WDR91: variants seen among roughly 807,000 people sequenced by gnomAD.
The protein encoded by WDR91 is WD repeat-containing protein 91.
A neutral mutation model predicts 88.4 loss-of-function variants in WDR91; 52 were observed. The ratio of observed to expected loss-of-function variants is 0.59; its 90% CI spans 0.47 to 0.74. The LOEUF (loss-of-function observed/expected upper bound fraction) is 0.74. Ranked by LOEUF, WDR91 falls within the 30% of genes least tolerant of loss-of-function variation. The pLI, the probability that WDR91 is intolerant of heterozygous loss-of-function variation, is 0.00. For missense variants in WDR91, 824 were observed against 954.5 expected (o/e 0.86, Z 1.80); for synonymous variants, 362 against 389.5 (o/e 0.93, Z 0.83).
rs762708381 is a variant in WDR91, at chr7:135,208,938, G to T, written c.364C>A (p.Gln122Lys). 1.2e-6 allele frequency: 2 copies of T among 1,614,194 alleles called. No individual in the cohort carries two copies. The highest frequency in any genetic ancestry group is 4.5e-5 in the East Asian group (2 of 44,890). Residue 122 changes from glutamine (Q) to lysine (K), a missense_variant, in exon 3 of 15, where the codon CAG (glutamine) becomes AAG (lysine). Physicochemically the swap from Gln to Lys is moderately conservative, Grantham distance 53 (BLOSUM62 1). Coordinates refer to ENST00000354475, the MANE Select transcript of WDR91 (RefSeq NM_014149.4). ...FAKQATELQN[Q>K]AEWKDWFVLP... The stretch of plus-strand genomic sequence containing the variant: ...ACAAACCAATCCTTCCACTCAGCCT[G>T]GTTCTGGAGTTCCGTGGCCTGCTTT...
rs780184807 is a variant in WDR91, at chr7:135,205,929, G to T, written c.724C>A (p.Leu242Ile). 19 of 1,613,194 alleles carry T rather than the reference G, an allele frequency of 1.2e-5. No homozygotes were observed. The highest frequency in any genetic ancestry group is 1.9e-4 in the Middle Eastern group (1 of 5,344). Residue 242 changes from leucine (L) to isoleucine (I), a missense_variant and splice_region_variant, in exon 5 of 15, where the codon CTT (leucine) becomes ATT (isoleucine). Physicochemically the swap from Leu to Ile is conservative, Grantham distance 5. Transcript: ENST00000354475. ...SNMDRLGDSE[L>I]AMVCSQRNAS... ...GAAAGGGCCGTCACACACACTCACAGTTCCGAGTCCCCCAGGCGGTCCATG... is the reference window on the plus strand; with the variant it reads ...GAAAGGGCCGTCACACACACTCACATTTCCGAGTCCCCCAGGCGGTCCATG...
intron 11 of WDR91, among the ~76,000 whole-genome samples, chr7:135,191,799 G>C (rs911700111): frequency 2.0e-5 from 3 of 152,084 alleles, no homozygotes; most frequent in Non-Finnish European, 4.4e-5. Context: ...ATACACCTAT[G>C]ATTTCAATAT....
At chr7:135,208,670 A>T in intron 3 of WDR91, 121 bp downstream of exon 3, 1 of 894,326 alleles carries the variant, frequency 1.1e-6, no homozygotes, top group Non-Finnish European at 1.6e-6. Flanking sequence ...CATGTGACCC[A>T]TAAAAATGGT....
At chr7:135,202,329 A>C (rs1423566035) in intron 6 of WDR91, 1 of 152,230 alleles carries the variant, frequency 6.6e-6, no homozygotes, top group East Asian at 1.9e-4. Flanking sequence ...ATTAATGCTG[A>C]ATCTAAATCA....
In WDR91 at chr7:135,206,014, C is replaced by T. The variant is rs961345870; in HGVS notation, c.639G>A (p.Glu213=). ...QAEIHRLKKE[E]QQPEEEEALV... ...AGGCCTCTTCCTCTTCTGGCTGTTGCTCCTCTTTCTTCAGTCGGTGGATTT... is the reference window on the plus strand; with the variant it reads ...AGGCCTCTTCCTCTTCTGGCTGTTGTTCCTCTTTCTTCAGTCGGTGGATTT... The change falls in exon 5 of 15, where the codon GAG becomes GAA. Residue 213 remains glutamate (E), a synonymous_variant. Coordinates refer to ENST00000354475, the MANE Select transcript of WDR91 (RefSeq NM_014149.4). The T allele has an allele frequency of 5.0e-6, 8 of 1,614,102 alleles. No individual in the cohort carries two copies. The highest frequency in any genetic ancestry group is 6.8e-6 in the Non-Finnish European group (8 of 1,180,056).
At chr7:135,206,186 C>G in intron 4 of WDR91, 128 bp from the exon 5 acceptor site, 5 of 1,198,042 alleles carry the variant, frequency 4.2e-6, no homozygotes, top group Non-Finnish European at 6.1e-6. Context: ...TCAAGGGGCC[C>G]ATCTCACTCT....
intron 6 of WDR91, among the ~76,000 whole-genome samples, chr7:135,203,046 T>C (rs1831628964): frequency 6.6e-6 from 1 of 152,190 alleles, no homozygotes; most frequent in Non-Finnish European, 1.5e-5. Context: ...GCTCAATTCA[T>C]CCTTCCCTGG....
chr7:135,199,700 T>C (rs1294710653), intron 6 of WDR91: 1 of 152,274 alleles, frequency 6.6e-6, no homozygotes, highest in African/African-American at 2.4e-5. Flanking sequence ...AGGGGGATTC[T>C]GCCTTGGAAG....
At position 135,185,188 on chromosome 7, in the gene WDR91, A is replaced by G. The variant is rs1830891420; in HGVS notation, c.*963T>C. 6.6e-6 allele frequency: 1 copy of G among 152,246 alleles called. No individual in the cohort carries two copies. Among genetic ancestry groups the G allele is most frequent in the African/African-American group, 2.4e-5 (1 of 41,452 alleles). The allele number at this position is 152,246 out of a possible 1,614,324, so 9.4% of individuals were successfully genotyped here. On this transcript the variant is annotated 3_prime_UTR_variant, in exon 15 of 15. Transcript: ENST00000354475. ...CCCAGCCCCAAAACTGTGAGCACCA[A>G]CATGACACCACAAGTGGAAAATACC...
intron 11 of WDR91, among the ~76,000 whole-genome samples, chr7:135,191,880 A>G (rs1472479309): frequency 6.6e-6 from 1 of 152,218 alleles, no homozygotes; most frequent in African/African-American, 2.4e-5. Flanking sequence ...ACAAATTGTA[A>G]TAAGAACTTT....
rs1831257740 is a variant in WDR91, at chr7:135,193,647, G to A, written c.1421C>T (p.Thr474Ile). 3 of 1,614,124 alleles carry A rather than the reference G, an allele frequency of 1.9e-6. No individual in the cohort carries two copies. Among genetic ancestry groups the A allele is most frequent in the South Asian group, 2.2e-5 (2 of 91,068 alleles). ...GGCTTCCGTGTCATAGAGACGCACT[G>A]TTCCCACACCACTGCCCAGCAAGAG... ...RLLLLGSGVG[T>I]VRLYDTEAKK... The change falls in exon 10 of 15, where the codon ACA (threonine) becomes ATA (isoleucine). Residue 474 changes from threonine (T) to isoleucine (I), a missense_variant. Coordinates refer to ENST00000354475, the MANE Select transcript of WDR91 (RefSeq NM_014149.4).
intron 10 of WDR91, 39 bp from the exon 11 acceptor site, chr7:135,193,438 C>A (rs1831246680): frequency 1.2e-6 from 2 of 1,611,022 alleles, no homozygotes; most frequent in Non-Finnish European, 1.7e-6. Context: ...CCTCTGCCTG[C>A]CCACAGAGGG....
At chr7:135,190,128 T>C (rs966958392) in intron 11 of WDR91, among the ~76,000 whole-genome samples, 1 of 152,098 alleles carries the variant, frequency 6.6e-6, no homozygotes, top group South Asian at 2.1e-4. Context: ...GCTTTCACTA[T>C]GGGGAATTAA....
intron 1 of WDR91, 178 bp from the exon 2 acceptor site, chr7:135,209,933 T>A: frequency 1.9e-6 from 1 of 520,008 alleles, no homozygotes; most frequent in Non-Finnish European, 3.2e-6. Flanking sequence ...TTTTCTGATG[T>A]TAGAGAAGTG....
chr7:135,188,494 A>G lies in WDR91; in HGVS notation c.1820T>C (p.Val607Ala), dbSNP rs1456210530. ...AMSWRAHYGE[V>A]YSVEFSYDEN... ...ATCATAGCTGAACTCCACAGAGTAG[A>G]CCTCCCCGTAGTGGGCCCTCCAGCT... The change falls in exon 13 of 15, where the codon GTC (valine) becomes GCC (alanine). Residue 607 changes from valine to alanine, a missense_variant. Physicochemically the swap from Val to Ala is moderately conservative, Grantham distance 64 (BLOSUM62 0). Transcript: ENST00000354475. 6.2e-7 allele frequency: 1 copy of G among 1,613,828 alleles called. No homozygotes were observed. Among genetic ancestry groups the G allele is most frequent in the East Asian group, 2.2e-5 (1 of 44,860 alleles).
intron 7 of WDR91, chr7:135,197,256 G>C (rs1051437925): frequency 6.6e-6 from 1 of 152,236 alleles, no homozygotes; most frequent in Non-Finnish European, 1.5e-5. Flanking sequence ...TGAGCCTTAG[G>C]GGTCTGTTGT....
chr7:135,206,205 C>A (rs1343139068), intron 4 of WDR91, 147 bp from the exon 5 acceptor site: 1 of 1,022,504 alleles, frequency 9.8e-7, no homozygotes, highest in East Asian at 2.4e-5. Context: ...CTGCTCACTG[C>A]AGACTGGGAA....
chr7:135,186,200 G>C lies in WDR91; in HGVS notation c.2195C>G (p.Ser732Cys). The change falls in exon 15 of 15, where the codon TCC becomes TGC. Residue 732 changes from serine to cysteine, a missense_variant. Physicochemically the swap from Ser to Cys is moderately radical, Grantham distance 112. Transcript: ENST00000354475. ...AMDCGTCLTA[S>C]MDGKIKLTTL... ...GGTCAGCTTGATCTTGCCATCCATG[G>C]AGGCGGTGAGGCAGGTCCCACAGTC... 1 of 1,607,454 alleles carries C rather than the reference G, an allele frequency of 6.2e-7. No homozygotes were observed. Among genetic ancestry groups the C allele is most frequent in the Non-Finnish European group, 8.5e-7 (1 of 1,177,360 alleles).
At chr7:135,189,270 A>C in intron 12 of WDR91, 74 bp downstream of exon 12, 1 of 1,429,216 alleles carries the variant, frequency 7.0e-7, no homozygotes, top group Non-Finnish European at 9.7e-7. Flanking sequence ...CTGGCAAAAA[A>C]ATCCAACGTC....
Sources: gnomAD v4.1 joint callset for allele counts (sites outside exome capture counted in the v4.1 genomes callset) on GRCh38, gnomAD v4.1.1 for gene constraint, MANE v1.5 for transcripts, NCBI Gene and HGNC (gene_info 2026-07-23, HGNC 2026-07-21) for gene names.